HMGXB3: variants seen among roughly 807,000 people sequenced by gnomAD.
The protein encoded by HMGXB3 is HMG-box containing 3.
A neutral mutation model predicts 121.5 loss-of-function variants in HMGXB3; 45 were observed. The observed-to-expected ratio is 0.37, with a 90% confidence interval of 0.29 to 0.47. HMGXB3 has a LOEUF of 0.47. Among genes scored for constraint, HMGXB3 ranks in the 20% least tolerant of loss-of-function variants. HMGXB3 has a pLI of 0.99. For synonymous variants in HMGXB3, 590 were observed against 624.1 expected (o/e 0.95, Z 0.81); for missense variants, 1,376 against 1,602.2 (o/e 0.86, Z 2.41).
At chr5:150,040,199 T>G (rs1429743092) in intron 13 of HMGXB3, among the ~76,000 whole-genome samples, 1 of 152,166 alleles carries the variant, frequency 6.6e-6, no homozygotes. Flanking sequence ...TTTGTTTGTT[T>G]GTTTAATGAT....
chr5:150,049,496 C>G (rs1308572215), intron 18 of HMGXB3, among the ~76,000 whole-genome samples: 1 of 152,100 alleles, frequency 6.6e-6, no homozygotes, highest in African/African-American at 2.4e-5. Context: ...GGGGATCTAG[C>G]TGTAAAAAGA....
At chr5:150,002,044 C>T (rs1395889192) in intron 1 of HMGXB3, among the ~76,000 whole-genome samples, 1 of 152,162 alleles carries the variant, frequency 6.6e-6, no homozygotes, top group Non-Finnish European at 1.5e-5. Flanking sequence ...CTGGGTTGCA[C>T]TATGGCAGTT....
chr5:150,023,181 AGGGGTTTTT>A, intron 6 of HMGXB3, among the ~76,000 whole-genome samples: 1 of 151,922 alleles, frequency 6.6e-6, no homozygotes, highest in Non-Finnish European at 1.5e-5. Flanking sequence ...GGAAATGTTG[AGGGGTTTTT>A]GGGTAGTAAG....
intron 15 of HMGXB3, among the ~76,000 whole-genome samples, chr5:150,043,558 A>C (rs965083536): frequency 6.6e-6 from 1 of 152,228 alleles, no homozygotes; most frequent in Non-Finnish European, 1.5e-5. Flanking sequence ...CTTCCCAAGT[A>C]AGAAACCAGG....
At chr5:150,042,192 A>G (rs1756650850) in intron 15 of HMGXB3, among the ~76,000 whole-genome samples, 1 of 152,242 alleles carries the variant, frequency 6.6e-6, no homozygotes, top group Non-Finnish European at 1.5e-5. Flanking sequence ...TATCCAGTGA[A>G]TAAGTATCAA....
At chr5:150,042,165 C>T (rs1238636812) in intron 15 of HMGXB3, among the ~76,000 whole-genome samples, 196 bp downstream of exon 15, 1 of 152,192 alleles carries the variant, frequency 6.6e-6, no homozygotes, top group Non-Finnish European at 1.5e-5. Flanking sequence ...TTCAGTTACT[C>T]ACTTGAAAAA....
chr5:150,047,440 G>A, intron 16 of HMGXB3, 184 bp from the exon 17 acceptor site: 1 of 629,464 alleles, frequency 1.6e-6, no homozygotes, highest in South Asian at 2.1e-5. Context: ...AGGGCAGAAA[G>A]CCAGTTGTAA....
At chr5:150,019,493 G>A (rs1055834129) in intron 6 of HMGXB3, among the ~76,000 whole-genome samples, 5 of 152,124 alleles carry the variant, frequency 3.3e-5, no homozygotes, top group African/African-American at 1.2e-4. Context: ...TGTATGCTTG[G>A]TGCGAACTAG....
intron 18 of HMGXB3, among the ~76,000 whole-genome samples, chr5:150,048,931 A>G (rs778186066): frequency 6.6e-6 from 1 of 152,202 alleles, no homozygotes; most frequent in Non-Finnish European, 1.5e-5. Flanking sequence ...GAGCTTGTAT[A>G]AAGAATGACA....
chr5:150,020,258 A>G (rs1007833715), intron 6 of HMGXB3, among the ~76,000 whole-genome samples: 1 of 152,206 alleles, frequency 6.6e-6, no homozygotes, highest in African/African-American at 2.4e-5. Flanking sequence ...CTAATGTCTC[A>G]CAGGGGGTTT....
Position 150,030,617 on chromosome 5 carries a change from GC to G in HMGXB3, c.1735-123del, listed in dbSNP as rs1442145534. On this transcript the variant is annotated intron_variant, in intron 9 of 19. Coordinates refer to ENST00000502717, the MANE Select transcript of HMGXB3 (RefSeq NM_014983.3). ...TGACTGCCAACTGGCAGTCCAGAGG[GC>G]TCATTTGGAGAATAGCTCTACAAAT... is the stretch of plus-strand genomic sequence containing the variant. 4.2e-6 allele frequency: 3 copies of G among 712,448 alleles called. No homozygotes were observed. In the African/African-American group the frequency reaches 5.3e-5, roughly 13 times the overall value. 44.1% of individuals were successfully genotyped at this position (712,448 alleles called of 1,614,324 possible). A position where few individuals can be genotyped will look rare whatever the true frequency, so the allele number is the denominator to read the frequency against.
intron 8 of HMGXB3, 33 bp from the exon 9 acceptor site, chr5:150,026,985 ACT>A (rs1756247586): frequency 6.5e-6 from 10 of 1,547,520 alleles, no homozygotes; most frequent in Admixed American, 2.0e-5. Flanking sequence ...CTCTGAATGC[ACT>A]TAAGTCACCA....
At chr5:150,022,946 G>T (rs1422428347) in intron 6 of HMGXB3, among the ~76,000 whole-genome samples, 2 of 151,112 alleles carry the variant, frequency 1.3e-5, no homozygotes, top group Non-Finnish European at 2.9e-5. Flanking sequence ...GAGTAGCTGG[G>T]AACACAGGCA....
At chr5:150,007,729 T>A (rs753430860) in intron 3 of HMGXB3, among the ~76,000 whole-genome samples, 20 of 152,110 alleles carry the variant, frequency 1.3e-4, no homozygotes, top group Non-Finnish European at 2.6e-4. Flanking sequence ...GAAAAGCTTA[T>A]CTACTCCCTT....
chr5:150,043,568 G>A (rs1756687638), intron 15 of HMGXB3, among the ~76,000 whole-genome samples: 1 of 152,148 alleles, frequency 6.6e-6, no homozygotes, highest in Non-Finnish European at 1.5e-5. Flanking sequence ...AAGAAACCAG[G>A]CAACTAAACC....
At chr5:150,039,706 T>C (rs1020747056) in intron 13 of HMGXB3, among the ~76,000 whole-genome samples, 13 of 152,220 alleles carry the variant, frequency 8.5e-5, no homozygotes, top group African/African-American at 3.1e-4. Context: ...TGTCAGAATG[T>C]GATATCAGTT....
At chr5:150,008,175 T>G (rs1755752942) in intron 3 of HMGXB3, among the ~76,000 whole-genome samples, 1 of 152,152 alleles carries the variant, frequency 6.6e-6, no homozygotes, top group Non-Finnish European at 1.5e-5. Context: ...TACACACTAA[T>G]GTAGATCATT....
chr5:150,006,692 A>T (rs1386285821), intron 3 of HMGXB3, 45 bp downstream of exon 3: 1 of 1,505,688 alleles, frequency 6.6e-7, no homozygotes, highest in African/African-American at 1.4e-5. Flanking sequence ...TGGTTCAGTG[A>T]TGAAGGCCTT....
At chr5:150,042,344 G>A (rs1756653801) in intron 15 of HMGXB3, among the ~76,000 whole-genome samples, 1 of 152,226 alleles carries the variant, frequency 6.6e-6, no homozygotes. Context: ...CTGTCCAGGA[G>A]TAGTGAGTGC....
Sources: gnomAD v4.1 joint callset for allele counts (sites outside exome capture counted in the v4.1 genomes callset) on GRCh38, gnomAD v4.1.1 for gene constraint, MANE v1.5 for transcripts, NCBI Gene and HGNC (gene_info 2026-07-23, HGNC 2026-07-21) for gene names.